The following NSUN3 variants were observed in gnomAD, a reference collection of about 807,000 sequenced individuals.
The protein encoded by NSUN3 is tRNA (cytosine(34)-C(5))-methyltransferase, mitochondrial.
In NSUN3, 24 loss-of-function variants were observed where a neutral mutation model predicts 36.8. The ratio of observed to expected loss-of-function variants is 0.65; its 90% confidence interval spans 0.47 to 0.92. The LOEUF is 0.92. Ranked by LOEUF, NSUN3 falls within the 40% of genes least tolerant of loss-of-function variation. The probability of loss-of-function intolerance (pLI) is 0.00; values close to 1 mark genes in which losing one functional copy is unlikely to be tolerated. For synonymous variants in NSUN3, 146 were observed against 145.2 expected, an observed-to-expected ratio of 1.01 and a Z score of -0.04; for missense variants, 381 against 392.8, an observed-to-expected ratio of 0.97 and a Z score of 0.25.
At chr3:94,075,144 A>G (rs535525771) in intron 2 of NSUN3, among the ~76,000 whole-genome samples, 1 of 152,214 alleles carries the variant, frequency 6.6e-6, no homozygotes, top group African/African-American at 2.4e-5. Context: ...TTTAAAACAA[A>G]TACAAGTTAT....
intron 5 of NSUN3, among the ~76,000 whole-genome samples, chr3:94,107,381 G>A (rs1200078645): frequency 1.3e-5 from 2 of 152,018 alleles, no homozygotes; most frequent in Non-Finnish European, 2.9e-5. Flanking sequence ...TTGACCTCCT[G>A]GGCCCAAGTG....
intron 5 of NSUN3, among the ~76,000 whole-genome samples, chr3:94,100,837 G>A (rs2077363076): frequency 6.6e-6 from 1 of 152,020 alleles, no homozygotes; most frequent in Non-Finnish European, 1.5e-5. Context: ...TGTTACATAA[G>A]CAGTCTACAC....
chr3:94,085,801 C>T (rs951486406), intron 3 of NSUN3, among the ~76,000 whole-genome samples: 1 of 152,114 alleles, frequency 6.6e-6, no homozygotes, highest in African/African-American at 2.4e-5. Context: ...TCTTCACACT[C>T]CTGATTTGTA....
intron 5 of NSUN3, among the ~76,000 whole-genome samples, chr3:94,099,946 G>A (rs2077358372): frequency 6.6e-6 from 1 of 152,046 alleles, no homozygotes; most frequent in East Asian, 1.9e-4. Flanking sequence ...TTAACAAAAG[G>A]CAATCCTTTT....
chr3:94,127,585 C>T lies in NSUN3; in HGVS notation c.*1095C>T, dbSNP rs2077492648. The stretch of plus-strand genomic sequence containing the variant: ...CTTCAGTCAGCATCACACTTTTTCT[C>T]CAGAAATTACTTCACTTAGAGTACA... On this transcript the variant is annotated 3_prime_UTR_variant, in exon 6 of 6. Coordinates refer to ENST00000314622, the MANE Select transcript of NSUN3 (RefSeq NM_022072.5). 1 of 152,088 alleles carries T rather than the reference C, an allele frequency of 6.6e-6. No homozygotes were observed. Among genetic ancestry groups the T allele is most frequent in the Non-Finnish European group, 1.5e-5 (1 of 68,018 alleles). 9.4% of individuals were successfully genotyped at this position (152,088 alleles called of 1,614,324 possible).
chr3:94,120,844 C>T (rs1227393600), intron 5 of NSUN3, among the ~76,000 whole-genome samples: 1 of 151,978 alleles, frequency 6.6e-6, no homozygotes, highest in Non-Finnish European at 1.5e-5. Context: ...TCTGAGGAGC[C>T]GTCATATTGT....
At chr3:94,074,373 G>T (rs1365758784) in intron 2 of NSUN3, among the ~76,000 whole-genome samples, 1 of 152,146 alleles carries the variant, frequency 6.6e-6, no homozygotes, top group Non-Finnish European at 1.5e-5. Flanking sequence ...GGATAGCATT[G>T]AATCTATAAG....
intron 5 of NSUN3, among the ~76,000 whole-genome samples, chr3:94,108,404 A>C (rs2077400333): frequency 6.6e-6 from 1 of 152,146 alleles, no homozygotes; most frequent in Non-Finnish European, 1.5e-5. Context: ...CTCTGTTGCC[A>C]GGCTGGAGTG....
intron 5 of NSUN3, among the ~76,000 whole-genome samples, chr3:94,105,314 G>A (rs2077384420): frequency 6.6e-6 from 1 of 152,166 alleles, no homozygotes; most frequent in Admixed American, 6.5e-5. Context: ...TCCGTTAAGA[G>A]TCCCTGTGAC....
Position 94,095,026 on chromosome 3 carries a change from T to C in NSUN3, c.622-7T>C, listed in dbSNP as rs1560035570. 9.9e-6 allele frequency: 16 copies of C among 1,613,530 alleles called. No individual in the cohort carries two copies. In the East Asian group the frequency reaches 3.3e-4, roughly 34 times the overall value. Reference sequence around the variant, plus strand: ...ATATTTGCATCACTTGTCTTTTTTTTCTCTAGGTGTTAGTGGATGCTCCGT... The same window carrying C: ...ATATTTGCATCACTTGTCTTTTTTTCCTCTAGGTGTTAGTGGATGCTCCGT... On this transcript the variant is annotated splice_region_variant and splice_polypyrimidine_tract_variant and intron_variant, in intron 4 of 5. Transcript: ENST00000314622.
At chr3:94,111,642 T>A (rs142007042) in intron 5 of NSUN3, among the ~76,000 whole-genome samples, 2 of 152,242 alleles carry the variant, frequency 1.3e-5, no homozygotes, top group Non-Finnish European at 2.9e-5. Context: ...AACACATACT[T>A]TAGCCTAGGC....
intron 5 of NSUN3, among the ~76,000 whole-genome samples, chr3:94,116,983 A>G (rs988579117): frequency 2.2e-5 from 3 of 137,052 alleles, no homozygotes; most frequent in Non-Finnish European, 4.7e-5. Context: ...AATCTGCCAC[A>G]ACTTTTTTTT....
chr3:94,095,404 T>C (rs1286175362), intron 5 of NSUN3, among the ~76,000 whole-genome samples: 1 of 152,186 alleles, frequency 6.6e-6, no homozygotes, highest in Non-Finnish European at 1.5e-5. Context: ...CATAGGCAAT[T>C]TTACTGTAGT....
At chr3:94,072,720 T>C (rs2077228982) in intron 2 of NSUN3, among the ~76,000 whole-genome samples, 1 of 152,170 alleles carries the variant, frequency 6.6e-6, no homozygotes, top group Admixed American at 6.5e-5. Flanking sequence ...TTGTTCTATT[T>C]AGGCCTTATT....
intron 5 of NSUN3, among the ~76,000 whole-genome samples, chr3:94,114,937 A>G (rs545204119): frequency 6.6e-6 from 1 of 151,880 alleles, no homozygotes; most frequent in Non-Finnish European, 1.5e-5. Context: ...TGCAAAGGAC[A>G]TGGTTTCTTT....
chr3:94,075,906 A>G (rs1322699205), intron 2 of NSUN3: 38 of 1,373,984 alleles, frequency 2.8e-5, no homozygotes, highest in African/African-American at 2.9e-5. Flanking sequence ...GTAAAGACGT[A>G]TCTAGGACCC....
Position 94,084,192 on chromosome 3 carries a change from C to T in NSUN3, c.208C>T (p.His70Tyr), listed in dbSNP as rs771432812. The change falls in exon 3 of 6, where the codon CAT becomes TAT. Residue 70 changes from histidine (H) to tyrosine (Y), a missense_variant. By Grantham distance (83) the His-to-Tyr change is moderately conservative. Transcript: ENST00000314622. ...NYPFELEKDL[H>Y]LKGYHTLSQG... ...TCCTTTTGAACTGGAAAAGGATTTA[C>T]ATTTGAAGGGCTATCACACACTCTC... The T allele has an allele frequency of 2.5e-6, 4 of 1,614,094 alleles. No individual in the cohort carries two copies. Among genetic ancestry groups the T allele is most frequent in the Non-Finnish European group, 3.4e-6 (4 of 1,179,962 alleles).
chr3:94,126,104 T>C, intron 5 of NSUN3, 107 bp from the exon 6 acceptor site: 1 of 862,758 alleles, frequency 1.2e-6, no homozygotes, highest in Non-Finnish European at 1.8e-6. Context: ...AATTGCAGTC[T>C]AAGTCAGAGT....
chr3:94,072,820 A>G (rs1205606725), intron 2 of NSUN3, among the ~76,000 whole-genome samples: 1 of 151,666 alleles, frequency 6.6e-6, no homozygotes, highest in African/African-American at 2.4e-5. Flanking sequence ...TTTTATTATT[A>G]TACTTTAAGT....
Sources: gnomAD v4.1 joint callset for allele counts (sites outside exome capture counted in the v4.1 genomes callset) on GRCh38, gnomAD v4.1.1 for gene constraint, MANE v1.5 for transcripts, NCBI Gene and HGNC (gene_info 2026-07-23, HGNC 2026-07-21) for gene names.